The following EGF variants were observed in gnomAD, a reference collection of about 807,000 sequenced individuals.
EGF encodes epidermal growth factor, also known as pro-epidermal growth factor.
EGF carries 95 observed loss-of-function variants against 143.8 expected under a neutral mutation model. The observed-to-expected ratio is 0.66, with a 90% CI of 0.56 to 0.78. The LOEUF (loss-of-function observed/expected upper bound fraction) is 0.78. Ranked by LOEUF, EGF falls within the 30% of genes least tolerant of loss-of-function variation. EGF has a pLI of 0.00. For synonymous variants in EGF, 510 were observed against 510.5 expected (o/e 1.00, Z 0.01); for missense variants, 1,320 against 1,470.9 (o/e 0.90, Z 1.68).
At position 109,940,923 on chromosome 4, in the gene EGF, T is replaced by G. The variant is rs757296076; in HGVS notation, c.128-23T>G. ...AGATAAAATATTAAAAGTATACAGT[T>G]TGGTCTCTTTCTTCCCACCCAGGTC... On this transcript the variant is annotated intron_variant, in intron 1 of 23. Transcript: ENST00000265171. 1.1e-5 allele frequency: 17 copies of G among 1,605,062 alleles called. No individual in the cohort carries two copies. In the South Asian group the frequency reaches 1.3e-4, roughly 12 times the overall value.
At chr4:109,961,343 C>A (rs1266700998) in intron 7 of EGF, among the ~76,000 whole-genome samples, 2 of 152,052 alleles carry the variant, frequency 1.3e-5, no homozygotes, top group Non-Finnish European at 2.9e-5. Flanking sequence ...TGGAGTGAGA[C>A]CCTGTCTCAA....
chr4:109,953,781 G>C (rs1242754930), intron 5 of EGF, among the ~76,000 whole-genome samples: 4 of 152,178 alleles, frequency 2.6e-5, no homozygotes, highest in Non-Finnish European at 5.9e-5. Flanking sequence ...CTACATCTGG[G>C]ATTAGTAAGA....
intron 23 of EGF, 162 bp downstream of exon 23, chr4:110,008,392 T>G: frequency 2.7e-6 from 1 of 366,014 alleles, no homozygotes; most frequent in Non-Finnish European, 3.8e-6. Flanking sequence ...GCCATGGACC[T>G]GATTTGCACT....
chr4:109,966,053 A>ATT (rs1377435367), intron 10 of EGF, among the ~76,000 whole-genome samples: 1 of 151,648 alleles, frequency 6.6e-6, no homozygotes, highest in Middle Eastern at 3.2e-3. Context: ...ATATATATAT[A>ATT]CATTTTAAAT....
intron 6 of EGF, among the ~76,000 whole-genome samples, chr4:109,960,031 G>A (rs1444457632): frequency 6.6e-6 from 1 of 152,218 alleles, no homozygotes; most frequent in African/African-American, 2.4e-5. Context: ...ATTAGCTGGG[G>A]TGAGACCTCA....
At chr4:109,929,004 A>G (rs1739236973) in intron 1 of EGF, among the ~76,000 whole-genome samples, 1 of 152,216 alleles carries the variant, frequency 6.6e-6, no homozygotes, top group South Asian at 2.1e-4. Flanking sequence ...AAGTAGATAT[A>G]AAATTATTCA....
chr4:109,938,642 T>A (rs1026348988), intron 1 of EGF, among the ~76,000 whole-genome samples: 5 of 152,242 alleles, frequency 3.3e-5, no homozygotes, highest in African/African-American at 1.2e-4. Flanking sequence ...TTTCTTCCCA[T>A]CTTAGCGGTT....
intron 12 of EGF, 65 bp from the exon 13 acceptor site, chr4:109,975,947 T>C: frequency 6.6e-7 from 1 of 1,523,174 alleles, no homozygotes; most frequent in Non-Finnish European, 9.1e-7. Flanking sequence ...ATATTTTCAA[T>C]GATGAAAGAA....
intron 21 of EGF, among the ~76,000 whole-genome samples, chr4:110,003,672 G>A (rs184714249): frequency 6.6e-6 from 1 of 152,182 alleles, no homozygotes; most frequent in East Asian, 1.9e-4. Context: ...TTGAGGATGG[G>A]GATCCATCTC....
intron 1 of EGF, among the ~76,000 whole-genome samples, chr4:109,933,769 G>A (rs926234538): frequency 1.4e-4 from 21 of 152,054 alleles, no homozygotes; most frequent in African/African-American, 4.6e-4. Context: ...TTTTTATGGC[G>A]GCATAGTATT....
intron 1 of EGF, among the ~76,000 whole-genome samples, chr4:109,915,905 C>T (rs572156014): frequency 4.3e-4 from 65 of 152,314 alleles, no homozygotes; most frequent in African/African-American, 1.5e-3. Context: ...CTCCCTCTCC[C>T]TCCTTTTAAC....
chr4:109,916,015 T>C (rs1228257563), intron 1 of EGF, among the ~76,000 whole-genome samples: 3 of 152,316 alleles, frequency 2.0e-5, no homozygotes, highest in African/African-American at 4.8e-5. Flanking sequence ...CTATTTACCC[T>C]GGAGGACAAA....
intron 23 of EGF, among the ~76,000 whole-genome samples, chr4:110,008,598 A>G (rs1166952423): frequency 6.6e-6 from 1 of 152,184 alleles, no homozygotes; most frequent in East Asian, 1.9e-4. Context: ...TGGCTCCAAG[A>G]AAACATGTTC....
intron 5 of EGF, among the ~76,000 whole-genome samples, chr4:109,954,244 G>T (rs910605891): frequency 4.6e-5 from 7 of 152,246 alleles, no homozygotes; most frequent in East Asian, 3.9e-4. Context: ...TAGAGATGGG[G>T]TTTCACCATG....
At chr4:109,988,795 C>T in intron 18 of EGF, 86 bp downstream of exon 18, 1 of 1,591,480 alleles carries the variant, frequency 6.3e-7, no homozygotes. Flanking sequence ...AGAGGGAAGA[C>T]AGGATATAAT....
chr4:109,964,635 C>G, intron 10 of EGF, 98 bp downstream of exon 10: 1 of 1,533,314 alleles, frequency 6.5e-7, no homozygotes, highest in Admixed American at 1.8e-5. Context: ...AAATCCTCTG[C>G]TAAGTTCTGA....
At chr4:109,981,112 G>A in intron 15 of EGF, 137 bp downstream of exon 15, 1 of 1,369,410 alleles carries the variant, frequency 7.3e-7, no homozygotes, top group Non-Finnish European at 1.0e-6. Context: ...CTAAGAATTT[G>A]TTTGTTTATT....
At chr4:109,919,273 A>G (rs1486883855) in intron 1 of EGF, among the ~76,000 whole-genome samples, 2 of 138,804 alleles carry the variant, frequency 1.4e-5, no homozygotes, top group African/African-American at 2.7e-5. Context: ...GGTATTAGGA[A>G]TGCATGCTTC....
intron 10 of EGF, among the ~76,000 whole-genome samples, chr4:109,965,139 G>A (rs1746342343): frequency 6.6e-6 from 1 of 152,074 alleles, no homozygotes; most frequent in Non-Finnish European, 1.5e-5. Flanking sequence ...TAATTTCTTA[G>A]TTGTATCTGT....
Sources: gnomAD v4.1 joint callset for allele counts (sites outside exome capture counted in the v4.1 genomes callset) on GRCh38, gnomAD v4.1.1 for gene constraint, MANE v1.5 for transcripts, NCBI Gene and HGNC (gene_info 2026-07-23, HGNC 2026-07-21) for gene names.